IQGAP2: variants seen among roughly 807,000 people sequenced by gnomAD.
The protein encoded by IQGAP2 is IQ motif containing GTPase activating protein 2.
Under a neutral mutation model 201.3 loss-of-function variants are expected in IQGAP2, and 173 were observed. The observed-to-expected ratio is 0.86, with a 90% confidence interval of 0.76 to 0.98. The LOEUF is 0.98. IQGAP2 is among the 50% of genes least tolerant of loss of function. IQGAP2 has a pLI of 0.00. For missense variants in IQGAP2, 1,687 were observed against 1,864.8 expected (o/e 0.90, Z 1.76); for synonymous variants, 675 against 673.9 (o/e 1.00, Z -0.03).
At chr5:76,683,025 T>A in intron 28 of IQGAP2, 90 bp from the exon 29 acceptor site, 1 of 702,584 alleles carries the variant, frequency 1.4e-6, no homozygotes, top group Non-Finnish European at 2.4e-6. Flanking sequence ...TTAAATGGTA[T>A]GAGGAGGAAA....
At position 76,565,087 on chromosome 5, in the gene IQGAP2, C is replaced by T. The variant is rs116820079; in HGVS notation, c.303+2535C>T. 8.6e-3 allele frequency among the ~76,000 whole-genome samples: 1,310 copies of T among 152,162 alleles called. 6 individuals carry two copies. Among genetic ancestry groups the T allele is most frequent in the Admixed American group, 0.014 (218 of 15,284 alleles). On this transcript the variant is annotated intron_variant, in intron 3 of 35. Transcript: ENST00000274364. ...TTTTAGCGCCTTTTCATCTCTCATA[C>T]GAAAATGAAAGGAGATAAATATTAG...
intron 28 of IQGAP2, among the ~76,000 whole-genome samples, chr5:76,679,934 A>T (rs1342882951): frequency 2.0e-5 from 3 of 152,244 alleles, no homozygotes; most frequent in Non-Finnish European, 4.4e-5. Context: ...AATAAGTGTA[A>T]TGAAAACAAA....
At chr5:76,561,280 T>C (rs571772015) in intron 2 of IQGAP2, among the ~76,000 whole-genome samples, 1 of 152,296 alleles carries the variant, frequency 6.6e-6, no homozygotes, top group South Asian at 2.1e-4. Flanking sequence ...TAATAAATGG[T>C]CAGTAATAAC....
chr5:76,440,529 G>A (rs1752965500), intron 1 of IQGAP2, among the ~76,000 whole-genome samples: 1 of 152,162 alleles, frequency 6.6e-6, no homozygotes, highest in Admixed American at 6.6e-5. Context: ...TGAAAGATAG[G>A]ATATTTATTT....
intron 1 of IQGAP2, among the ~76,000 whole-genome samples, chr5:76,410,427 T>A (rs1198706727): frequency 6.6e-6 from 1 of 151,662 alleles, no homozygotes; most frequent in Admixed American, 6.6e-5. Flanking sequence ...CACCCCAAAC[T>A]TTTCATTAGA....
rs116807494 is a variant in IQGAP2, at chr5:76,579,280, G to A, written c.458+3511G>A. On this transcript the variant is annotated intron_variant, in intron 5 of 35. Transcript: ENST00000274364. ...CCTACCCAGAATTGACATAATCTTCGTGGCACCAGAAACAAAAGAATACCC... is the reference window on the plus strand; with the variant it reads ...CCTACCCAGAATTGACATAATCTTCATGGCACCAGAAACAAAAGAATACCC... Among the ~76,000 whole-genome samples, 541 of 151,878 alleles carry A rather than the reference G, an allele frequency of 3.6e-3. 4 individuals carry two copies. Among genetic ancestry groups the A allele is most frequent in the African/African-American group, 0.012 (504 of 41,392 alleles).
At chr5:76,684,796 T>C (rs915494900) in intron 30 of IQGAP2, among the ~76,000 whole-genome samples, 11 of 152,214 alleles carry the variant, frequency 7.2e-5, no homozygotes, top group African/African-American at 2.7e-4. Flanking sequence ...ACTGATGTGC[T>C]GAAGTGTGCT....
chr5:76,416,997 TA>T (rs201650701), intron 1 of IQGAP2, among the ~76,000 whole-genome samples: 2 of 151,940 alleles, frequency 1.3e-5, no homozygotes, highest in Non-Finnish European at 2.9e-5. Flanking sequence ...CCCAGCTAAT[TA>T]AAAAAAATTT....
chr5:76,685,311 A>T (rs536751721), intron 30 of IQGAP2, among the ~76,000 whole-genome samples: 1 of 152,218 alleles, frequency 6.6e-6, no homozygotes, highest in Non-Finnish European at 1.5e-5. Flanking sequence ...TGGTTTTGCC[A>T]TGTAAATGAA....
At chr5:76,617,492 C>T (rs1022276477) in intron 13 of IQGAP2, 7 of 962,728 alleles carry the variant, frequency 7.3e-6, no homozygotes, top group East Asian at 2.5e-5. Context: ...CTTAGGAGCT[C>T]GGAAATGGAG....
intron 1 of IQGAP2, among the ~76,000 whole-genome samples, chr5:76,429,513 A>T (rs1232600110): frequency 6.7e-6 from 1 of 150,254 alleles, no homozygotes; most frequent in Non-Finnish European, 1.5e-5. Flanking sequence ...CGGAGCTTGC[A>T]GTGAGCCAAG....
At chr5:76,436,356 G>A (rs1357300106) in intron 1 of IQGAP2, among the ~76,000 whole-genome samples, 1 of 150,482 alleles carries the variant, frequency 6.6e-6, no homozygotes. Context: ...TTGTGGGTTT[G>A]TCATATATGA....
intron 2 of IQGAP2, among the ~76,000 whole-genome samples, chr5:76,518,662 C>T (rs774775903): frequency 1.9e-4 from 29 of 152,074 alleles, no homozygotes; most frequent in African/African-American, 6.3e-4. Context: ...AGTAATTGAA[C>T]GGAGGTTATT....
intron 2 of IQGAP2, among the ~76,000 whole-genome samples, chr5:76,505,692 C>A: frequency 6.6e-6 from 1 of 152,156 alleles, no homozygotes; most frequent in East Asian, 1.9e-4. Flanking sequence ...CAGAGTTTTG[C>A]AGGTGTATTC....
intron 1 of IQGAP2, among the ~76,000 whole-genome samples, chr5:76,418,887 G>A (rs189720083): frequency 6.0e-4 from 92 of 152,208 alleles, no homozygotes; most frequent in South Asian, 1.0e-3. Context: ...GGGCTGCTGG[G>A]TGTCAACAGC....
rs559379895 is a variant in IQGAP2 at position 76,474,441 on chromosome 5, G to T, written c.146+12772G>T. 2.6e-5 allele frequency among the ~76,000 whole-genome samples: 4 copies of T among 152,278 alleles called. No individual in the cohort carries two copies. The South Asian group carries it at 8.3e-4, about 32-fold the overall frequency. Reference sequence around the variant, plus strand: ...TAGCCATTCATATGTTCTTGTCCTTGATCTTTCATTTTTGCTGAGAAACTT... The same window carrying T: ...TAGCCATTCATATGTTCTTGTCCTTTATCTTTCATTTTTGCTGAGAAACTT... On this transcript the variant is annotated intron_variant, in intron 2 of 35. Transcript: ENST00000274364.
intron 3 of IQGAP2, among the ~76,000 whole-genome samples, chr5:76,562,899 G>A (rs1397927155): frequency 6.6e-6 from 1 of 152,016 alleles, no homozygotes; most frequent in Non-Finnish European, 1.5e-5. Context: ...AAAGAGTTAG[G>A]GCCAATGTGA....
chr5:76,673,136 G>A (rs928139171), intron 24 of IQGAP2, among the ~76,000 whole-genome samples: 1 of 152,126 alleles, frequency 6.6e-6, no homozygotes. Flanking sequence ...TAGATTATAT[G>A]TGATTTTATT....
intron 5 of IQGAP2, among the ~76,000 whole-genome samples, chr5:76,586,881 TAAG>T (rs1002006878): frequency 6.6e-6 from 1 of 152,180 alleles, no homozygotes; most frequent in African/African-American, 2.4e-5. Context: ...ACTTTGCTGC[TAAG>T]AAGTGGGTTT....
Sources: gnomAD v4.1 joint callset for allele counts (sites outside exome capture counted in the v4.1 genomes callset) on GRCh38, gnomAD v4.1.1 for gene constraint, MANE v1.5 for transcripts, NCBI Gene and HGNC (gene_info 2026-07-23, HGNC 2026-07-21) for gene names.